The following DNM3 variants were observed in gnomAD, a reference collection of about 807,000 sequenced individuals.
DNM3 encodes the protein dynamin 3, also known as dynamin-3.
In DNM3, 47 loss-of-function variants were observed where a neutral mutation model predicts 101.6. That is an observed-to-expected ratio of 0.46 (90% confidence interval 0.37 to 0.59). DNM3 has a LOEUF of 0.59. DNM3 is among the 20% of genes least tolerant of loss of function. The pLI, the probability that DNM3 is intolerant of heterozygous loss-of-function variation, is 0.00. For missense variants in DNM3, 849 were observed against 1,085.7 expected (o/e 0.78, Z 3.06); for synonymous variants, 385 against 387.9 (o/e 0.99, Z 0.09).
chr1:172,286,277 A>C (rs1023678343), intron 15 of DNM3, among the ~76,000 whole-genome samples: 1 of 152,094 alleles, frequency 6.6e-6, no homozygotes, highest in Non-Finnish European at 1.5e-5. Context: ...AGAAATGCTG[A>C]GTTTCAGCAG....
At chr1:172,078,194 G>A (rs1206220208) in intron 11 of DNM3, among the ~76,000 whole-genome samples, 4 of 152,224 alleles carry the variant, frequency 2.6e-5, no homozygotes, top group Middle Eastern at 3.4e-3. Context: ...CTGGGTTCAC[G>A]CCATTCTCCT....
intron 14 of DNM3, among the ~76,000 whole-genome samples, chr1:172,143,681 T>A (rs2057716678): frequency 6.6e-6 from 1 of 152,126 alleles, no homozygotes; most frequent in South Asian, 2.1e-4. Context: ...GCAAGAGGGC[T>A]CAGCTGAGCA....
intron 11 of DNM3, among the ~76,000 whole-genome samples, chr1:172,075,242 T>C (rs975466071): frequency 6.6e-6 from 1 of 152,140 alleles, no homozygotes; most frequent in African/African-American, 2.4e-5. Flanking sequence ...TTGCAAAAAT[T>C]TTTTTCCCAT....
intron 1 of DNM3, among the ~76,000 whole-genome samples, chr1:171,910,223 C>T (rs1447962284): frequency 1.3e-5 from 2 of 152,162 alleles, no homozygotes; most frequent in African/African-American, 4.8e-5. Context: ...ATAGTCTTCC[C>T]TTATCTGAAG....
chr1:171,906,603 T>C (rs1375160141), intron 1 of DNM3, among the ~76,000 whole-genome samples: 1 of 152,224 alleles, frequency 6.6e-6, no homozygotes, highest in East Asian at 1.9e-4. Flanking sequence ...TGTTTTTTAA[T>C]GAAAATGCAT....
At chr1:172,194,986 C>T (rs1042470790) in intron 14 of DNM3, among the ~76,000 whole-genome samples, 2 of 151,858 alleles carry the variant, frequency 1.3e-5, no homozygotes, top group African/African-American at 4.8e-5. Context: ...GCATGTTTTT[C>T]TAGTGGCTGG....
At chr1:172,199,858 A>G (rs1360470705) in intron 14 of DNM3, among the ~76,000 whole-genome samples, 6 of 151,902 alleles carry the variant, frequency 3.9e-5, no homozygotes, top group Non-Finnish European at 7.4e-5. Context: ...TTTTTTATCC[A>G]CTTTGCCACT....
At chr1:172,105,224 A>C (rs1012548379) in intron 13 of DNM3, among the ~76,000 whole-genome samples, 1 of 152,238 alleles carries the variant, frequency 6.6e-6, no homozygotes, top group South Asian at 2.1e-4. Flanking sequence ...ACATTCCTTT[A>C]AAGTTTACTC....
At chr1:171,865,523 A>T (rs376367689) in intron 1 of DNM3, among the ~76,000 whole-genome samples, 14 of 129,476 alleles carry the variant, frequency 1.1e-4, no homozygotes, top group Non-Finnish European at 1.5e-4. Flanking sequence ...CTCAAAAAAA[A>T]AAAAAAAAAA....
At chr1:172,215,790 G>A (rs2060673532) in intron 14 of DNM3, among the ~76,000 whole-genome samples, 1 of 151,940 alleles carries the variant, frequency 6.6e-6, no homozygotes, top group South Asian at 2.1e-4. Flanking sequence ...GGTAATTGAT[G>A]CGTCAGAAAC....
At chr1:172,194,050 G>T (rs954805280) in intron 14 of DNM3, among the ~76,000 whole-genome samples, 9 of 152,084 alleles carry the variant, frequency 5.9e-5, no homozygotes, top group African/African-American at 2.2e-4. Context: ...CAGAGATTCT[G>T]GTATGTTGTG....
chr1:172,239,639 A>T (rs1245001512), intron 14 of DNM3, among the ~76,000 whole-genome samples: 1 of 151,986 alleles, frequency 6.6e-6, no homozygotes, highest in African/African-American at 2.4e-5. Context: ...GAAGCTGAGG[A>T]TAGATGGGGC....
chr1:171,877,703 G>A (rs1443398853), intron 1 of DNM3, among the ~76,000 whole-genome samples: 5 of 152,188 alleles, frequency 3.3e-5, no homozygotes, highest in African/African-American at 9.7e-5. Context: ...CACTTGCAAT[G>A]GAGAGTTAAA....
At chr1:172,094,449 C>T (rs764341392) in intron 13 of DNM3, among the ~76,000 whole-genome samples, 59 of 152,082 alleles carry the variant, frequency 3.9e-4, no homozygotes, top group Non-Finnish European at 7.6e-4. Flanking sequence ...ATTATCTGCC[C>T]CATGATATTT....
intron 2 of DNM3, among the ~76,000 whole-genome samples, chr1:171,936,907 G>A (rs571660594): frequency 6.6e-6 from 1 of 152,360 alleles, no homozygotes; most frequent in East Asian, 1.9e-4. Flanking sequence ...CCACAATGGG[G>A]GTCATGTTTA....
At chr1:172,286,724 C>T (rs1455031961) in intron 15 of DNM3, among the ~76,000 whole-genome samples, 14 of 152,154 alleles carry the variant, frequency 9.2e-5, no homozygotes, top group Admixed American at 8.5e-4. Flanking sequence ...GAACCAAAAC[C>T]ATCACCCTCC....
Position 172,398,632 on chromosome 1 carries a change from C to T in DNM3, c.2523-9140C>T, listed in dbSNP as rs955643908. On this transcript the variant is annotated intron_variant, in intron 20 of 20. Transcript: ENST00000627582. ...TTCATTTATAAACATTTTGGCTTTACTCTTTCCAAGTCCAGCCATCTTCTT... is the reference window on the plus strand; with the variant it reads ...TTCATTTATAAACATTTTGGCTTTATTCTTTCCAAGTCCAGCCATCTTCTT... Among the ~76,000 whole-genome samples the T allele has an allele frequency of 2.0e-5, 3 of 152,122 alleles. No individual in the cohort carries two copies. In the South Asian group the frequency reaches 6.2e-4, roughly 31 times the overall value.
At chr1:172,085,860 T>C (rs542854067) in intron 12 of DNM3, among the ~76,000 whole-genome samples, 1 of 152,338 alleles carries the variant, frequency 6.6e-6, no homozygotes, top group African/African-American at 2.4e-5. Context: ...ATTGTAATAA[T>C]GTTTCTAGTT....
At chr1:172,382,581 G>C (rs577917834) in intron 18 of DNM3, among the ~76,000 whole-genome samples, 2 of 152,248 alleles carry the variant, frequency 1.3e-5, no homozygotes, top group African/African-American at 4.8e-5. Flanking sequence ...ATAGTCTGAT[G>C]TTCTCACCAT....
Sources: allele counts gnomAD v4.1 joint callset (sites outside exome capture counted in the v4.1 genomes callset), GRCh38; gene constraint gnomAD v4.1.1; transcripts MANE v1.5; gene names NCBI Gene and HGNC (gene_info 2026-07-23, HGNC 2026-07-21).